Variants in SH3PXD2A observed in about 807,000 individuals in gnomAD.
The protein encoded by SH3PXD2A is SH3 and PX domains 2A, also known as SH3 and PX domain-containing protein 2A.
SH3PXD2A carries 32 observed loss-of-function variants against 115.2 expected under a neutral mutation model. That is an observed-to-expected ratio of 0.28 (90% CI 0.21 to 0.37). The LOEUF is 0.37. Ranked by LOEUF, SH3PXD2A falls within the 10% of genes least tolerant of loss-of-function variation. The pLI is 1.00. For synonymous variants in SH3PXD2A, 610 were observed against 629.1 expected, an observed-to-expected ratio of 0.97 and a Z score of 0.45; for missense variants, 1,328 against 1,498.7, an observed-to-expected ratio of 0.89 and a Z score of 1.88.
At chr10:103,633,115 G>A (rs190089409) in intron 8 of SH3PXD2A, among the ~76,000 whole-genome samples, 120 of 152,340 alleles carry the variant, frequency 7.9e-4, no homozygotes, top group African/African-American at 2.6e-3. Flanking sequence ...CCAGGCTGGT[G>A]AGGATAAAAG....
chr10:103,623,303 G>T lies in SH3PXD2A; in HGVS notation c.719-750C>A, dbSNP rs143087030. Among the ~76,000 whole-genome samples, 23 of 151,372 alleles carry T rather than the reference G, an allele frequency of 1.5e-4. No homozygotes were observed. The East Asian group carries it at 4.5e-3, about 30-fold the overall frequency. On this transcript the variant is annotated intron_variant, in intron 9 of 14. Transcript: ENST00000369774. ...CCAGCTTCTCACTGCTCCTGACCCC[G>T]TGCCCTGAGCAGCATCCTGCACTGC...
chr10:103,758,251 A>C (rs912710288), intron 3 of SH3PXD2A, among the ~76,000 whole-genome samples: 4 of 152,196 alleles, frequency 2.6e-5, no homozygotes, highest in South Asian at 4.2e-4. Context: ...TGTTCTTCAA[A>C]CATATACCGG....
At chr10:103,725,633 C>A (rs2038231668) in intron 4 of SH3PXD2A, among the ~76,000 whole-genome samples, 1 of 152,030 alleles carries the variant, frequency 6.6e-6, no homozygotes, top group South Asian at 2.1e-4. Flanking sequence ...TGGAGACCAG[C>A]CTGGCCAACA....
intron 1 of SH3PXD2A, among the ~76,000 whole-genome samples, chr10:103,852,451 C>G (rs950335181): frequency 2.6e-5 from 4 of 152,258 alleles, no homozygotes; most frequent in Non-Finnish European, 5.9e-5. Context: ...CTGGCTAACA[C>G]GCACATCCCG....
At chr10:103,606,954 C>A (rs927822814) in intron 13 of SH3PXD2A, among the ~76,000 whole-genome samples, 23 of 151,836 alleles carry the variant, frequency 1.5e-4, no homozygotes, top group African/African-American at 5.6e-4. Flanking sequence ...GCCTGGCCGC[C>A]CATCGTCTGG....
At chr10:103,628,044 C>T (rs930431068) in intron 8 of SH3PXD2A, among the ~76,000 whole-genome samples, 6 of 152,194 alleles carry the variant, frequency 3.9e-5, no homozygotes, top group African/African-American at 1.2e-4. Flanking sequence ...CACTGGAGGC[C>T]CCGTCACCAT....
rs1360381464 is a variant in SH3PXD2A, at chr10:103,746,811, C to CCCTGTT, written c.230-11009_230-11004dup. 1.3e-5 allele frequency: 2 copies of CCCTGTT among 152,634 alleles called. No homozygotes were observed. The highest frequency in any genetic ancestry group is 2.9e-5 in the Non-Finnish European group (2 of 68,290). 9.5% of individuals were successfully genotyped at this position (152,634 alleles called of 1,614,324 possible). On this transcript the variant is annotated intron_variant, in intron 3 of 14. Coordinates refer to ENST00000369774, the MANE Select transcript of SH3PXD2A (RefSeq NM_001394015.1). This position sits in a 1 kb window ranked among gnomAD's most constrained non-coding sequence, Gnocchi z 4.4. ...CACCTCAGGCCTGTGTGTTCGCTGT[C>CCCTGTT]CCTGTTCCTGTTCCTGGAGCACTGT... is the stretch of plus-strand genomic sequence containing the variant.
At chr10:103,703,817 A>T (rs2037948675) in intron 5 of SH3PXD2A, among the ~76,000 whole-genome samples, 1 of 152,130 alleles carries the variant, frequency 6.6e-6, no homozygotes, top group African/African-American at 2.4e-5. Context: ...AGACTCTGAC[A>T]TGGTATGGCC....
chr10:103,719,570 A>G (rs183379326), intron 5 of SH3PXD2A, among the ~76,000 whole-genome samples: 167 of 152,284 alleles, frequency 1.1e-3, no homozygotes, highest in Admixed American at 0.011. Flanking sequence ...ACAGCTGTGA[A>G]CAGAACAAAG....
chr10:103,807,651 G>A (rs1324580194), intron 1 of SH3PXD2A, among the ~76,000 whole-genome samples: 3 of 152,156 alleles, frequency 2.0e-5, no homozygotes, highest in Non-Finnish European at 4.4e-5. Flanking sequence ...CTGCAGCCAC[G>A]CTGAGAAAAG....
chr10:103,682,882 C>A (rs1482736486), intron 6 of SH3PXD2A, among the ~76,000 whole-genome samples: 6 of 152,194 alleles, frequency 3.9e-5, no homozygotes, highest in Non-Finnish European at 8.8e-5. Flanking sequence ...TTGCCACATT[C>A]TCTAAGTAGC....
At chr10:103,654,911 C>A (rs2037186351) in intron 8 of SH3PXD2A, among the ~76,000 whole-genome samples, 1 of 152,202 alleles carries the variant, frequency 6.6e-6, no homozygotes, top group South Asian at 2.1e-4. Context: ...GGCTATCCTG[C>A]AGTCTCCTTC....
chr10:103,702,596 C>CGTGCGTGTGTGTGTGTGTGTGT (rs1554913268), intron 5 of SH3PXD2A, among the ~76,000 whole-genome samples: 4 of 147,448 alleles, frequency 2.7e-5, no homozygotes, highest in African/African-American at 1.0e-4. Flanking sequence ...TGTGTGTGTG[C>CGTGCGTGTGTGTGTGTGTGTGT]GTGTGTGTGT....
intron 2 of SH3PXD2A, among the ~76,000 whole-genome samples, chr10:103,796,818 G>A (rs536176484): frequency 8.8e-4 from 132 of 149,572 alleles, no homozygotes; most frequent in African/African-American, 3.2e-3. Flanking sequence ...GACAAATAAC[G>A]TTTTTTAGTG....
chr10:103,762,613 T>C (rs1589445283), intron 3 of SH3PXD2A, among the ~76,000 whole-genome samples: 1 of 152,336 alleles, frequency 6.6e-6, no homozygotes, highest in Admixed American at 6.5e-5. Context: ...GATGCCTTGC[T>C]GGAGAACTGC....
intron 6 of SH3PXD2A, among the ~76,000 whole-genome samples, chr10:103,677,067 C>A (rs1419042024): frequency 6.6e-6 from 1 of 152,222 alleles, no homozygotes; most frequent in African/African-American, 2.4e-5. Context: ...CTGGCTCAGT[C>A]TCCCTGAGAG....
intron 1 of SH3PXD2A, among the ~76,000 whole-genome samples, chr10:103,838,377 G>C (rs550195876): frequency 3.9e-5 from 6 of 152,150 alleles, no homozygotes; most frequent in Non-Finnish European, 7.3e-5. Context: ...TATGGGGAAG[G>C]TACTATTATC....
In SH3PXD2A at chr10:103,612,993, A is replaced by G. The variant is rs1312269041; in HGVS notation, c.1118T>C (p.Ile373Thr). 4 of 1,614,122 alleles carry G rather than the reference A, an allele frequency of 2.5e-6. No individual in the cohort carries two copies. The highest frequency in any genetic ancestry group is 3.4e-6 in the Non-Finnish European group (4 of 1,180,042). The change falls in exon 12 of 15, where the codon ATT becomes ACT. Residue 373 changes from isoleucine (I) to threonine (T), a missense_variant. Around this residue, in one of 5 missense-constraint regions of SH3PXD2A, gnomAD observed 509 missense variants for 628.3 expected, o/e 0.81. Coordinates refer to ENST00000369774, the MANE Select transcript of SH3PXD2A (RefSeq NM_001394015.1). Reference sequence around the variant, plus strand: ...GGGCAGGCTGATCTCCTTCTTGGCAATGGGGGCCTCATGGCCCTCGCCTTC... The same window carrying G: ...GGGCAGGCTGATCTCCTTCTTGGCAGTGGGGGCCTCATGGCCCTCGCCTTC... ...PAEGEGHEAPIAKKEISLPIL... is the reference protein window; with the variant it reads ...PAEGEGHEAPTAKKEISLPIL...
chr10:103,711,601 A>G (rs2038047575), intron 5 of SH3PXD2A, among the ~76,000 whole-genome samples: 1 of 152,244 alleles, frequency 6.6e-6, no homozygotes, highest in South Asian at 2.1e-4. Flanking sequence ...GTGCAAGGGC[A>G]GCGTAGCAGC....
Sources: gnomAD v4.1 joint callset for allele counts (sites outside exome capture counted in the v4.1 genomes callset) on GRCh38, gnomAD v4.1.1 for gene constraint, gnomAD v4.1.1 regional missense constraint, Gnocchi (gnomAD v3.1) non-coding constraint, MANE v1.5 for transcripts, NCBI Gene and HGNC (gene_info 2026-07-23, HGNC 2026-07-21) for gene names.